Variants in IQCJ observed in about 807,000 individuals in gnomAD.
IQCJ encodes the protein IQ domain-containing protein J.
A neutral mutation model predicts 11.0 loss-of-function variants in IQCJ; 9 were observed. The observed-to-expected ratio is 0.82, with a 90% CI of 0.49 to 1.43. The LOEUF (loss-of-function observed/expected upper bound fraction) is 1.43. Ranked by LOEUF, IQCJ falls within the 40% of genes most tolerant of loss-of-function variation. The pLI, the probability that IQCJ is intolerant of heterozygous loss-of-function variation, is 0.00. For missense variants in IQCJ, 146 were observed against 133.2 expected, an observed-to-expected ratio of 1.10 and a Z score of -0.47; for synonymous variants, 55 against 51.3, an observed-to-expected ratio of 1.07 and a Z score of -0.31.
intron 1 of IQCJ, among the ~76,000 whole-genome samples, chr3:159,127,516 G>C (rs1335319980): frequency 6.6e-6 from 1 of 152,132 alleles, no homozygotes; most frequent in Non-Finnish European, 1.5e-5. Context: ...TTATTTTTTA[G>C]CCATAAAGCA....
chr3:159,195,375 G>C (rs1723925198), intron 1 of IQCJ, among the ~76,000 whole-genome samples: 1 of 152,124 alleles, frequency 6.6e-6, no homozygotes, highest in Admixed American at 6.6e-5. Flanking sequence ...GGAGATGGGG[G>C]TAGACACTGA....
intron 1 of IQCJ, among the ~76,000 whole-genome samples, chr3:159,153,368 C>CA (rs1377758675): frequency 1.3e-5 from 2 of 152,134 alleles, no homozygotes; most frequent in Non-Finnish European, 2.9e-5. Context: ...AATGGATACC[C>CA]ACAGCACAAT....
intron 1 of IQCJ, among the ~76,000 whole-genome samples, chr3:159,193,980 G>A (rs138131695): frequency 1.6e-3 from 244 of 152,270 alleles, no homozygotes; most frequent in African/African-American, 5.5e-3. Context: ...ATTTTCAAGG[G>A]GTATAGATGT....
chr3:159,159,599 A>C (rs1721719083), intron 1 of IQCJ, among the ~76,000 whole-genome samples: 1 of 152,170 alleles, frequency 6.6e-6, no homozygotes, highest in Non-Finnish European at 1.5e-5. Context: ...TTGTAAACCC[A>C]TGTAATTTAT....
chr3:159,117,126 T>G (rs1719073583), intron 1 of IQCJ, among the ~76,000 whole-genome samples: 1 of 152,214 alleles, frequency 6.6e-6, no homozygotes, highest in South Asian at 2.1e-4. Flanking sequence ...TTTCCCCTAA[T>G]TCCTTAATCC....
intron 1 of IQCJ, among the ~76,000 whole-genome samples, chr3:159,242,566 A>T (rs1251969660): frequency 2.9e-5 from 3 of 102,584 alleles, no homozygotes; most frequent in African/African-American, 1.2e-4. Flanking sequence ...ATGCCAGCTG[A>T]ATCTTTTTTT....
In IQCJ at chr3:159,260,393, G is replaced by A. The variant is rs150255937; in HGVS notation, c.156-2155G>A. Among the ~76,000 whole-genome samples the A allele has an allele frequency of 4.1e-3, 632 of 152,306 alleles. 4 individuals are homozygous for A. The highest frequency in any genetic ancestry group is 7.2e-3 in the Non-Finnish European group (489 of 68,016). ...CTCAAAGTCCTATAAAGTTGTGGGT[G>A]TTCTATTGGTTGTCAACATTTTCTA... On this transcript the variant is annotated intron_variant, in intron 3 of 3. Coordinates refer to ENST00000397832, the MANE Select transcript of IQCJ (RefSeq NM_001042706.3).
chr3:159,180,595 G>A (rs1723041179), intron 1 of IQCJ, among the ~76,000 whole-genome samples: 1 of 151,886 alleles, frequency 6.6e-6, no homozygotes. Flanking sequence ...GAGAGAGATA[G>A]GGCAGGAGAG....
chr3:159,225,671 A>T (rs1414872958), intron 1 of IQCJ, among the ~76,000 whole-genome samples: 1 of 151,984 alleles, frequency 6.6e-6, no homozygotes, highest in Non-Finnish European at 1.5e-5. Context: ...TGTTTTTTCC[A>T]CCACCAAGAA....
At chr3:159,120,912 T>G (rs1719331268) in intron 1 of IQCJ, among the ~76,000 whole-genome samples, 1 of 152,132 alleles carries the variant, frequency 6.6e-6, no homozygotes, top group African/African-American at 2.4e-5. Context: ...TGTGCCCAGA[T>G]GGCTGCTCTT....
intron 1 of IQCJ, among the ~76,000 whole-genome samples, chr3:159,123,019 T>C (rs1719467361): frequency 6.6e-6 from 1 of 152,158 alleles, no homozygotes; most frequent in Admixed American, 6.5e-5. Context: ...TCTTAGAATT[T>C]GGAGAGGCAG....
rs112520100 is a variant in IQCJ at position 159,110,590 on chromosome 3, A to T, written c.9+41149A>T. Among the ~76,000 whole-genome samples the T allele has an allele frequency of 3.6e-3, 545 of 152,166 alleles. 4 individuals are homozygous for T. The highest frequency in any genetic ancestry group is 5.9e-3 in the Non-Finnish European group (398 of 68,012). ...CTGTGGCCTTACACGCCCTGCCATGATAGTTGTTTACAGGACCAGTCTCCT... is the reference window on the plus strand; with the variant it reads ...CTGTGGCCTTACACGCCCTGCCATGTTAGTTGTTTACAGGACCAGTCTCCT... On this transcript the variant is annotated intron_variant, in intron 1 of 3. Transcript: ENST00000397832.
intron 1 of IQCJ, among the ~76,000 whole-genome samples, chr3:159,227,418 G>A (rs1442891685): frequency 6.6e-6 from 1 of 152,158 alleles, no homozygotes; most frequent in Non-Finnish European, 1.5e-5. Context: ...TATCGGGGAT[G>A]GTGGGATGAA....
intron 1 of IQCJ, among the ~76,000 whole-genome samples, chr3:159,198,268 G>A (rs1000879335): frequency 7.9e-5 from 12 of 151,942 alleles, no homozygotes; most frequent in African/African-American, 2.9e-4. Flanking sequence ...TCCTTGCAGA[G>A]GCAAGTTTCT....
chr3:159,232,819 G>A (rs1726342772), intron 1 of IQCJ, among the ~76,000 whole-genome samples: 1 of 152,114 alleles, frequency 6.6e-6, no homozygotes, highest in Non-Finnish European at 1.5e-5. Flanking sequence ...ACAGTGGGGT[G>A]TTAAAGTCTC....
intron 1 of IQCJ, among the ~76,000 whole-genome samples, chr3:159,142,054 A>C (rs578180927): frequency 2.4e-4 from 36 of 152,306 alleles, no homozygotes; most frequent in Middle Eastern, 3.4e-3. Context: ...CTTACCTTGC[A>C]TTTCTCAGAG....
chr3:159,192,620 T>C (rs961122262), intron 1 of IQCJ, among the ~76,000 whole-genome samples: 1 of 152,166 alleles, frequency 6.6e-6, no homozygotes, highest in African/African-American at 2.4e-5. Context: ...TGATTGCCTG[T>C]AGAAGGGGGC....
intron 1 of IQCJ, among the ~76,000 whole-genome samples, chr3:159,154,564 G>T (rs1310772062): frequency 3.9e-5 from 6 of 152,126 alleles, no homozygotes; most frequent in African/African-American, 1.4e-4. Context: ...CTACAAGGGG[G>T]CCTTCTCCTC....
chr3:159,213,936 T>C (rs1005739637), intron 1 of IQCJ, among the ~76,000 whole-genome samples: 4 of 152,216 alleles, frequency 2.6e-5, no homozygotes, highest in African/African-American at 9.6e-5. Flanking sequence ...AATCTACTTT[T>C]GGGGCTTCTT....
Sources: allele counts gnomAD v4.1 joint callset (sites outside exome capture counted in the v4.1 genomes callset), GRCh38; gene constraint gnomAD v4.1.1; transcripts MANE v1.5; gene names NCBI Gene and HGNC (gene_info 2026-07-23, HGNC 2026-07-21).